Variants in PDE6A observed in about 807,000 individuals in gnomAD.
PDE6A encodes the protein phosphodiesterase 6A, also known as rod cGMP-specific 3',5'-cyclic phosphodiesterase subunit alpha.
Under a neutral mutation model 106.3 loss-of-function variants are expected in PDE6A, and 84 were observed. That is an observed-to-expected ratio of 0.79 (90% CI 0.66 to 0.95). The LOEUF (loss-of-function observed/expected upper bound fraction) is 0.95, where lower values mean the gene tolerates loss of function less well. Among genes scored for constraint, PDE6A ranks in the 40% least tolerant of loss-of-function variants. The pLI, the probability that PDE6A is intolerant of heterozygous loss-of-function variation, is 0.00. For missense variants in PDE6A, 1,052 were observed against 1,084.9 expected, an observed-to-expected ratio of 0.97 and a Z score of 0.43; for synonymous variants, 394 against 386.6, an observed-to-expected ratio of 1.02 and a Z score of -0.23.
In PDE6A at chr5:149,860,932, C is replaced by T; in HGVS notation, c.2546G>A (p.Gly849Glu). Residue 849 changes from glycine (G) to glutamate (E), a missense_variant, in exon 22 of 22, where the codon GGG becomes GAG. By Grantham distance (98) the Gly-to-Glu change is moderately conservative (BLOSUM62 -2). Coordinates refer to ENST00000255266, the MANE Select transcript of PDE6A (RefSeq NM_000440.3). ...GNQPGGNPSP[G>E]GATTSKSCCI... ...GCAGGACTTGGATGTAGTTGCACCC[C>T]CTGGGCTGGGGTTTCCCCCCGGCTG... is the stretch of plus-strand genomic sequence containing the variant. 6.2e-7 allele frequency: 1 copy of T among 1,614,176 alleles called. No individual in the cohort carries two copies. The highest frequency in any genetic ancestry group is 1.1e-5 in the South Asian group (1 of 91,072).
In PDE6A at chr5:149,936,666, C is replaced by A. The variant is rs149228088; in HGVS notation, c.475-1948G>T. On this transcript the variant is annotated intron_variant, in intron 1 of 21. Transcript: ENST00000255266. Reference sequence around the variant, plus strand: ...CTGGCATTTACATGATCATTATCATCCCTATATATTCAGCATATAAAGTGT... The same window carrying A: ...CTGGCATTTACATGATCATTATCATACCTATATATTCAGCATATAAAGTGT... Among the ~76,000 whole-genome samples, 581 of 152,304 alleles carry A rather than the reference C, an allele frequency of 3.8e-3. 4 individuals are homozygous for A. The highest frequency in any genetic ancestry group is 0.023 in the South Asian group (109 of 4,822).
intron 17 of PDE6A, among the ~76,000 whole-genome samples, chr5:149,869,135 G>T (rs1210521011): frequency 3.9e-5 from 6 of 152,076 alleles, no homozygotes; most frequent in Non-Finnish European, 5.9e-5. Flanking sequence ...TTCAAGACCA[G>T]CCTGGCCAAC....
In PDE6A at chr5:149,883,519, T is replaced by C; in HGVS notation, c.2045A>G (p.Gln682Arg). ...TGTCTTAGACTGATCCACGATCTTT[T>C]GGAACATCGTCCTCTTCCTACAAAA... ...ALYFKKRTMF[Q>R]KIVDQSKTYE... The change falls in exon 17 of 22, where the codon CAA (glutamine) becomes CGA (arginine). Residue 682 changes from glutamine to arginine, a missense_variant. Physicochemically the swap from Gln to Arg is conservative, Grantham distance 43. Coordinates refer to ENST00000255266, the MANE Select transcript of PDE6A (RefSeq NM_000440.3). 6.2e-7 allele frequency: 1 copy of C among 1,612,328 alleles called. No homozygotes were observed. The highest frequency in any genetic ancestry group is 8.5e-7 in the Non-Finnish European group (1 of 1,178,408).
chr5:149,934,806 A>G, intron 1 of PDE6A, 88 bp from the exon 2 acceptor site: 1 of 1,306,956 alleles, frequency 7.7e-7, no homozygotes, highest in South Asian at 1.2e-5. Flanking sequence ...AAGGGAATAA[A>G]GGTGCTTCCA....
chr5:149,888,199 T>C (rs1204491488), intron 13 of PDE6A, among the ~76,000 whole-genome samples: 1 of 152,120 alleles, frequency 6.6e-6, no homozygotes, highest in East Asian at 1.9e-4. Context: ...CAATTTCTTA[T>C]TACCAAGAGA....
intron 11 of PDE6A, 58 bp downstream of exon 11, chr5:149,896,653 T>TC (rs1264699067): frequency 6.2e-7 from 1 of 1,613,832 alleles, no homozygotes; most frequent in African/African-American, 1.3e-5. Flanking sequence ...CCCTGCATGC[T>TC]CAGGAGCACT....
intron 6 of PDE6A, among the ~76,000 whole-genome samples, chr5:149,911,621 G>T (rs1343721614): frequency 6.6e-6 from 1 of 152,156 alleles, no homozygotes; most frequent in Admixed American, 6.5e-5. Context: ...CAGCATCTTA[G>T]AATTAATGAA....
chr5:149,934,719 C>A lies in PDE6A; in HGVS notation c.475-1G>T, dbSNP rs1754135016. 6.2e-7 allele frequency: 1 copy of A among 1,613,674 alleles called. No homozygotes were observed. On this transcript the variant is annotated splice_acceptor_variant, in intron 1 of 21. Transcript: ENST00000255266. LOFTEE classifies it high-confidence loss of function. ...CCACAAAGTCACAGAAATGCTCATCCTAAAGGAAGGCAGAGATAAGCACGG... is the reference window on the plus strand; with the variant it reads ...CCACAAAGTCACAGAAATGCTCATCATAAAGGAAGGCAGAGATAAGCACGG...
At chr5:149,908,838 G>C (rs1390704323) in intron 6 of PDE6A, among the ~76,000 whole-genome samples, 3 of 151,862 alleles carry the variant, frequency 2.0e-5, no homozygotes, top group Admixed American at 6.6e-5. Flanking sequence ...GCAACATAGG[G>C]GGACTCCATC....
At chr5:149,868,060 G>C in intron 18 of PDE6A, 35 bp downstream of exon 18, 1 of 1,601,596 alleles carries the variant, frequency 6.2e-7, no homozygotes. Flanking sequence ...CCAGTACTGG[G>C]ATGCCCCTCC....
In PDE6A at chr5:149,944,669, C is replaced by T. The variant is rs1275081894; in HGVS notation, c.5G>A (p.Gly2Asp). M[G>D]EVTAEEVEKF... Reference sequence around the variant, plus strand: ...CTCCACCTCCTCTGCTGTCACCTCGCCCATGGCTGGGAATCCCACTGGCTA... The same window carrying T: ...CTCCACCTCCTCTGCTGTCACCTCGTCCATGGCTGGGAATCCCACTGGCTA... Residue 2 changes from glycine (G) to aspartate (D), a missense_variant, in exon 1 of 22, where the codon GGC becomes GAC. Gly to Asp is a moderately conservative substitution (Grantham distance 94). This residue lies in a region of PDE6A where 913 missense variants were observed against 915.2 expected (regional missense o/e 1.00). Coordinates refer to ENST00000255266, the MANE Select transcript of PDE6A (RefSeq NM_000440.3). 4 of 1,605,180 alleles carry T rather than the reference C, an allele frequency of 2.5e-6. No individual in the cohort carries two copies. Among genetic ancestry groups the T allele is most frequent in the Non-Finnish European group, 3.4e-6 (4 of 1,176,178 alleles).
intron 13 of PDE6A, among the ~76,000 whole-genome samples, chr5:149,894,625 T>C (rs1434726666): frequency 7.5e-6 from 1 of 133,108 alleles, no homozygotes; most frequent in Non-Finnish European, 1.5e-5. Flanking sequence ...AATTGAACTG[T>C]TGAATTTTTT....
At chr5:149,909,760 TAATA>T (rs1214392718) in intron 6 of PDE6A, among the ~76,000 whole-genome samples, 1 of 152,232 alleles carries the variant, frequency 6.6e-6, no homozygotes, top group Non-Finnish European at 1.5e-5. Context: ...ACAGAGGCTT[TAATA>T]TGTAATATTT....
At chr5:149,884,131 G>A (rs555448912) in intron 16 of PDE6A, among the ~76,000 whole-genome samples, 1 of 151,142 alleles carries the variant, frequency 6.6e-6, no homozygotes, top group African/African-American at 2.4e-5. Flanking sequence ...GCAGTGAGCT[G>A]TGATGGTGCC....
chr5:149,938,815 C>A (rs572809884), intron 1 of PDE6A, among the ~76,000 whole-genome samples: 2 of 152,218 alleles, frequency 1.3e-5, no homozygotes, highest in South Asian at 4.1e-4. Context: ...CAAGGCAATT[C>A]CCAAGATAAG....
At chr5:149,900,401 G>GATATATATATA (rs1752932187) in intron 8 of PDE6A, among the ~76,000 whole-genome samples, 1 of 116,994 alleles carries the variant, frequency 8.5e-6, no homozygotes, top group Non-Finnish European at 1.7e-5. Context: ...ATATATATCC[G>GATATATATATA]TTGGTTCATC....
chr5:149,907,831 G>A lies in PDE6A; in HGVS notation c.999-453C>T, dbSNP rs149729584. Among the ~76,000 whole-genome samples, 1,051 of 152,088 alleles carry A rather than the reference G, an allele frequency of 6.9e-3. 14 individuals are homozygous for A. Among genetic ancestry groups the A allele is most frequent in the African/African-American group, 0.024 (986 of 41,474 alleles). On this transcript the variant is annotated intron_variant, in intron 6 of 21. Coordinates refer to ENST00000255266, the MANE Select transcript of PDE6A (RefSeq NM_000440.3). The stretch of plus-strand genomic sequence containing the variant: ...TTTTTTGTATTATTACTTTTTGCTT[G>A]TTTGTTGTGAGAAAAAAACACACAC...
chr5:149,908,533 A>G (rs900430911), intron 6 of PDE6A, among the ~76,000 whole-genome samples: 13 of 152,182 alleles, frequency 8.5e-5, no homozygotes, highest in African/African-American at 2.9e-4. Flanking sequence ...ATCTCATCAT[A>G]GTTTTCTTTC....
At chr5:149,896,331 T>C (rs763314010) in intron 12 of PDE6A, 25 bp downstream of exon 12, 1 of 1,579,116 alleles carries the variant, frequency 6.3e-7, no homozygotes, top group South Asian at 1.1e-5. Context: ...AAAAGGGAAA[T>C]CATATATATT....
Sources: gnomAD v4.1 joint callset for allele counts (sites outside exome capture counted in the v4.1 genomes callset) on GRCh38, gnomAD v4.1.1 for gene constraint, gnomAD v4.1.1 regional missense constraint, MANE v1.5 for transcripts, NCBI Gene and HGNC (gene_info 2026-07-23, HGNC 2026-07-21) for gene names.